Variants in PCDH9 observed in about 807,000 individuals in gnomAD.
The protein encoded by PCDH9 is protocadherin-9.
Under a neutral mutation model 70.6 loss-of-function variants are expected in PCDH9, and 24 were observed. That is an observed-to-expected ratio of 0.34 (90% CI 0.25 to 0.48). PCDH9 has a LOEUF of 0.48. PCDH9 is among the 20% of genes least tolerant of loss of function. The pLI is 0.99. For synonymous variants in PCDH9, 562 were observed against 558.5 expected, an observed-to-expected ratio of 1.01 and a Z score of -0.09; for missense variants, 1,281 against 1,503.6, an observed-to-expected ratio of 0.85 and a Z score of 2.45.
chr13:67,055,041 C>T (rs992389385), intron 2 of PCDH9, among the ~76,000 whole-genome samples: 1 of 152,224 alleles, frequency 6.6e-6, no homozygotes, highest in Non-Finnish European at 1.5e-5. Context: ...AAAGTTCTCA[C>T]TATTGTGTTG....
chr13:66,869,506 A>G (rs1352417822), intron 3 of PCDH9, among the ~76,000 whole-genome samples: 1 of 152,166 alleles, frequency 6.6e-6, no homozygotes, highest in Non-Finnish European at 1.5e-5. Context: ...TTCTTAGATT[A>G]TAAAGACTGG....
chr13:66,858,138 A>T (rs1272252678), intron 3 of PCDH9, among the ~76,000 whole-genome samples: 1 of 152,108 alleles, frequency 6.6e-6, no homozygotes, highest in Non-Finnish European at 1.5e-5. Flanking sequence ...AAGCTTAAAC[A>T]TTGTAAATTT....
intron 4 of PCDH9, among the ~76,000 whole-genome samples, chr13:66,508,944 G>A (rs1959325274): frequency 1.3e-5 from 2 of 152,236 alleles, no homozygotes; most frequent in Middle Eastern, 3.4e-3. Context: ...AAGACTTCTC[G>A]GGATGTTGTG....
chr13:66,717,763 A>C (rs1381430479), intron 3 of PCDH9, among the ~76,000 whole-genome samples: 6 of 151,996 alleles, frequency 3.9e-5, no homozygotes, highest in African/African-American at 1.4e-4. Context: ...TCTATGTATT[A>C]ACAATGTCAA....
chr13:66,489,541 G>C (rs1352446528), intron 4 of PCDH9, among the ~76,000 whole-genome samples: 3 of 152,028 alleles, frequency 2.0e-5, no homozygotes, highest in Non-Finnish European at 2.9e-5. Flanking sequence ...CAAACTCCTA[G>C]GCTCAAGGGA....
intron 3 of PCDH9, among the ~76,000 whole-genome samples, chr13:66,811,436 G>A (rs1017130916): frequency 2.6e-5 from 4 of 152,070 alleles, no homozygotes; most frequent in South Asian, 2.1e-4. Context: ...AATGTTTTAC[G>A]CATAATACTC....
At chr13:66,524,324 T>C (rs940097514) in intron 4 of PCDH9, among the ~76,000 whole-genome samples, 4 of 151,980 alleles carry the variant, frequency 2.6e-5, no homozygotes, top group Non-Finnish European at 4.4e-5. Context: ...TTGTTCTTTT[T>C]CCTTTTCTCT....
intron 3 of PCDH9, among the ~76,000 whole-genome samples, chr13:66,886,271 G>A (rs1432375260): frequency 1.3e-5 from 2 of 152,154 alleles, no homozygotes; most frequent in African/African-American, 4.8e-5. Context: ...AGCTCACCCT[G>A]AGGGGTTGCA....
At chr13:67,149,167 A>G (rs2087597411) in intron 2 of PCDH9, among the ~76,000 whole-genome samples, 1 of 152,168 alleles carries the variant, frequency 6.6e-6, no homozygotes, top group Non-Finnish European at 1.5e-5. Flanking sequence ...GAATAATTAC[A>G]TTTAAAAAAT....
At chr13:66,567,783 A>G (rs1415391966) in intron 4 of PCDH9, among the ~76,000 whole-genome samples, 4 of 152,160 alleles carry the variant, frequency 2.6e-5, no homozygotes, top group Non-Finnish European at 5.9e-5. Flanking sequence ...TTTACTACCA[A>G]ATTATGCAAG....
chr13:66,511,790 C>T (rs1289292122), intron 4 of PCDH9, among the ~76,000 whole-genome samples: 1 of 152,124 alleles, frequency 6.6e-6, no homozygotes, highest in Non-Finnish European at 1.5e-5. Context: ...ATGTGATATA[C>T]CTGCTCTTCC....
chr13:66,990,037 A>G (rs1473168794), intron 2 of PCDH9, among the ~76,000 whole-genome samples: 1 of 151,910 alleles, frequency 6.6e-6, no homozygotes, highest in Non-Finnish European at 1.5e-5. Flanking sequence ...CTTTGTAACT[A>G]ACAAAGATAT....
chr13:66,606,418 A>C (rs1373642974), intron 4 of PCDH9, among the ~76,000 whole-genome samples: 1 of 152,126 alleles, frequency 6.6e-6, no homozygotes, highest in African/African-American at 2.4e-5. Flanking sequence ...TTAGATAACA[A>C]TAAGTGCTTT....
chr13:66,395,210 A>G (rs929654670), intron 4 of PCDH9, among the ~76,000 whole-genome samples: 1 of 152,212 alleles, frequency 6.6e-6, no homozygotes, highest in Non-Finnish European at 1.5e-5. Flanking sequence ...TCATTTTTGC[A>G]TTCAATATGC....
chr13:66,765,364 C>T (rs1350988160), intron 3 of PCDH9, among the ~76,000 whole-genome samples: 1 of 151,618 alleles, frequency 6.6e-6, no homozygotes, highest in Non-Finnish European at 1.5e-5. Flanking sequence ...CTATCTGGAC[C>T]CCAAATAGAT....
intron 4 of PCDH9, among the ~76,000 whole-genome samples, chr13:66,434,796 T>C (rs968077499): frequency 6.6e-6 from 1 of 152,064 alleles, no homozygotes; most frequent in African/African-American, 2.4e-5. Flanking sequence ...TGTGAAAATT[T>C]CCATAATATG....
At chr13:66,862,778 T>C (rs1726166824) in intron 3 of PCDH9, among the ~76,000 whole-genome samples, 1 of 152,192 alleles carries the variant, frequency 6.6e-6, no homozygotes, top group Non-Finnish European at 1.5e-5. Flanking sequence ...TCTATCATTC[T>C]CAATTAATAG....
intron 3 of PCDH9, among the ~76,000 whole-genome samples, chr13:66,746,115 T>G (rs1232498800): frequency 6.6e-6 from 1 of 152,232 alleles, no homozygotes; most frequent in Non-Finnish European, 1.5e-5. Flanking sequence ...ATTACCTGTA[T>G]GTTGCCATAT....
chr13:66,561,749 C>G (rs915056161), intron 4 of PCDH9, among the ~76,000 whole-genome samples: 2 of 151,960 alleles, frequency 1.3e-5, no homozygotes, highest in Non-Finnish European at 2.9e-5. Flanking sequence ...GGATTGTAAA[C>G]GCACCAATCA....
Sources: allele counts gnomAD v4.1 joint callset (sites outside exome capture counted in the v4.1 genomes callset), GRCh38; gene constraint gnomAD v4.1.1; transcripts MANE v1.5; gene names NCBI Gene and HGNC (gene_info 2026-07-23, HGNC 2026-07-21).